The following IQCM variants were observed in gnomAD, a reference collection of about 807,000 sequenced individuals.
IQCM encodes IQ domain-containing protein M.
In IQCM, 45 loss-of-function variants were observed where a neutral mutation model predicts 57.6. The observed-to-expected ratio is 0.78, with a 90% CI of 0.62 to 1.00. The LOEUF is 1.00. IQCM is among the 50% of genes least tolerant of loss of function. The pLI is 0.00. For missense variants in IQCM, 468 were observed against 511.6 expected (o/e 0.91, Z 0.82); for synonymous variants, 148 against 158.9 (o/e 0.93, Z 0.51).
intron 2 of IQCM, among the ~76,000 whole-genome samples, chr4:149,789,008 T>C (rs2150025319): frequency 6.6e-6 from 1 of 152,116 alleles, no homozygotes; most frequent in East Asian, 1.9e-4. Flanking sequence ...GTGCAGGTGG[T>C]AGAGGAGATG....
intron 2 of IQCM, among the ~76,000 whole-genome samples, chr4:149,772,576 G>C (rs1324760759): frequency 1.3e-5 from 2 of 152,078 alleles, no homozygotes; most frequent in Non-Finnish European, 2.9e-5. Flanking sequence ...ATAAGAAAGA[G>C]AATCAAGATG....
chr4:149,773,618 T>A (rs912005832), intron 2 of IQCM, among the ~76,000 whole-genome samples: 12 of 152,224 alleles, frequency 7.9e-5, no homozygotes, highest in African/African-American at 2.7e-4. Context: ...AACTGTAAGA[T>A]AAAGCTGATG....
At chr4:149,656,820 A>G (rs1038439073) in intron 7 of IQCM, among the ~76,000 whole-genome samples, 1 of 152,172 alleles carries the variant, frequency 6.6e-6, no homozygotes, top group African/African-American at 2.4e-5. Flanking sequence ...AGTTGTGGAA[A>G]TGAAATAATT....
chr4:149,492,826 C>T (rs1454693112), intron 12 of IQCM, among the ~76,000 whole-genome samples: 1 of 152,074 alleles, frequency 6.6e-6, no homozygotes, highest in Non-Finnish European at 1.5e-5. Context: ...ATGATAGAAA[C>T]ACTTGGTAAC....
At chr4:149,555,923 T>C (rs1304431380) in intron 10 of IQCM, among the ~76,000 whole-genome samples, 2 of 152,158 alleles carry the variant, frequency 1.3e-5, no homozygotes, top group Non-Finnish European at 2.9e-5. Context: ...CTCAGGCATT[T>C]GGAAGGTTAC....
chr4:149,793,545 A>T (rs183595363), intron 2 of IQCM: 1 of 152,314 alleles, frequency 6.6e-6, no homozygotes, highest in Non-Finnish European at 1.5e-5. Context: ...TATGCATGTT[A>T]TGAATTTGCT....
intron 5 of IQCM, among the ~76,000 whole-genome samples, chr4:149,687,357 T>C (rs1762619579): frequency 6.6e-6 from 1 of 151,370 alleles, no homozygotes; most frequent in Non-Finnish European, 1.5e-5. Context: ...GGGTTCTGCA[T>C]CTGCAGATTC....
At position 149,738,873 on chromosome 4, in the gene IQCM, C is replaced by T. The variant is rs144855940; in HGVS notation, c.38-3415G>A. Among the ~76,000 whole-genome samples, 521 of 152,268 alleles carry T rather than the reference C, an allele frequency of 3.4e-3. 1 individual carries two copies. The highest frequency in any genetic ancestry group is 5.8e-3 in the Non-Finnish European group (396 of 68,002). On this transcript the variant is annotated intron_variant, in intron 3 of 13. Transcript: ENST00000636793. ...CAAGATAGCACAAGATAACTCATAC[C>T]TCAATGCCTTAGAAAAGACAATGCT...
chr4:149,630,367 T>C (rs1006906824), intron 7 of IQCM, among the ~76,000 whole-genome samples: 1 of 152,176 alleles, frequency 6.6e-6, no homozygotes, highest in Admixed American at 6.5e-5. Flanking sequence ...ACTAATTTTA[T>C]AGTACAAATG....
intron 12 of IQCM, among the ~76,000 whole-genome samples, chr4:149,455,466 C>T (rs1158426429): frequency 6.6e-6 from 1 of 152,022 alleles, no homozygotes; most frequent in Non-Finnish European, 1.5e-5. Context: ...GACCACCTTC[C>T]TCAATAAACT....
intron 9 of IQCM, among the ~76,000 whole-genome samples, chr4:149,575,527 C>T (rs1751551160): frequency 6.6e-6 from 1 of 151,566 alleles, no homozygotes; most frequent in Non-Finnish European, 1.5e-5. Context: ...AGTTTAAGTA[C>T]CTAAAGGAGA....
intron 13 of IQCM, among the ~76,000 whole-genome samples, chr4:149,369,889 A>G (rs1730242190): frequency 6.6e-6 from 1 of 152,134 alleles, no homozygotes; most frequent in African/African-American, 2.4e-5. Context: ...ATATTTATTT[A>G]TTCTTATTTA....
intron 12 of IQCM, among the ~76,000 whole-genome samples, chr4:149,462,027 T>G (rs1007418341): frequency 6.6e-6 from 1 of 152,184 alleles, no homozygotes; most frequent in Non-Finnish European, 1.5e-5. Context: ...AGGCTTTATG[T>G]ATTACATATA....
At chr4:149,805,493 T>A (rs1338490941) in intron 2 of IQCM, among the ~76,000 whole-genome samples, 3 of 152,090 alleles carry the variant, frequency 2.0e-5, no homozygotes, top group Non-Finnish European at 4.4e-5. Context: ...AATATCAGCA[T>A]CTGTTTTAAA....
At position 149,738,886 on chromosome 4, in the gene IQCM, A is replaced by C. The variant is rs73857731; in HGVS notation, c.38-3428T>G. Among the ~76,000 whole-genome samples the C allele has an allele frequency of 9.0e-3, 1,367 of 152,344 alleles. 10 individuals carry two copies. The highest frequency in any genetic ancestry group is 0.03 in the African/African-American group (1,267 of 41,576). On this transcript the variant is annotated intron_variant, in intron 3 of 13. Transcript: ENST00000636793. ...GATAACTCATACCTCAATGCCTTAG[A>C]AAAGACAATGCTAGCATCATTTATT...
chr4:149,460,560 T>C (rs1738163272), intron 12 of IQCM, among the ~76,000 whole-genome samples: 1 of 152,094 alleles, frequency 6.6e-6, no homozygotes, highest in South Asian at 2.1e-4. Context: ...ACAAAGTCTC[T>C]GGAATTGGTG....
intron 5 of IQCM, among the ~76,000 whole-genome samples, chr4:149,702,300 T>TCACA (rs3085128): frequency 0.17 from 24,198 of 145,778 alleles, 2,111 homozygotes; most frequent in South Asian, 0.34. Flanking sequence ...CTCCCTCACT[T>TCACA]CACACACACA....
intron 7 of IQCM, among the ~76,000 whole-genome samples, chr4:149,661,884 TA>T (rs527687031): frequency 5.3e-5 from 8 of 152,038 alleles, no homozygotes; most frequent in Non-Finnish European, 1.0e-4. Flanking sequence ...TTATGTTTCT[TA>T]AAAAAGTTCT....
At chr4:149,376,699 G>C (rs1443743417) in intron 13 of IQCM, among the ~76,000 whole-genome samples, 1 of 152,074 alleles carries the variant, frequency 6.6e-6, no homozygotes, top group Non-Finnish European at 1.5e-5. Flanking sequence ...TATTTATGTG[G>C]TAAGACAGAT....
Sources: gnomAD v4.1 joint callset for allele counts (sites outside exome capture counted in the v4.1 genomes callset) on GRCh38, gnomAD v4.1.1 for gene constraint, MANE v1.5 for transcripts, NCBI Gene and HGNC (gene_info 2026-07-23, HGNC 2026-07-21) for gene names.